The following INTS2 variants were observed in gnomAD, a reference collection of about 807,000 sequenced individuals.
The protein encoded by INTS2 is integrator complex subunit 2.
INTS2 carries 57 observed loss-of-function variants against 139.6 expected under a neutral mutation model. The ratio of observed to expected loss-of-function variants is 0.41; its 90% CI spans 0.33 to 0.51. INTS2 has a LOEUF of 0.51. Ranked by LOEUF, INTS2 falls within the 20% of genes least tolerant of loss-of-function variation. INTS2 has a pLI of 0.28. For missense variants in INTS2, 1,196 were observed against 1,436.7 expected (o/e 0.83, Z 2.71); for synonymous variants, 473 against 493.4 (o/e 0.96, Z 0.55).
chr17:61,913,689 G>GACCAAAAAAGCCAGTAAAATTTGTT, intron 5 of INTS2, among the ~76,000 whole-genome samples: 1 of 151,874 alleles, frequency 6.6e-6, no homozygotes, highest in East Asian at 1.9e-4. Context: ...TATTTTTCCA[G>GACCAAAAAAGCCAGTAAAATTTGTT]ACCAAAAAAG....
chr17:61,904,635 A>T (rs747668798), intron 8 of INTS2, 50 bp from the exon 9 acceptor site: 2 of 1,467,568 alleles, frequency 1.4e-6, no homozygotes, highest in Non-Finnish European at 1.8e-6. Flanking sequence ...GGGATGAAGA[A>T]GAAAAAGTGA....
intron 7 of INTS2, among the ~76,000 whole-genome samples, chr17:61,908,351 G>T (rs999900812): frequency 2.0e-5 from 3 of 152,040 alleles, no homozygotes; most frequent in African/African-American, 7.3e-5. Flanking sequence ...GGAGGCGGAG[G>T]TTACAATGAG....
chr17:61,865,835 AATTG>A lies in INTS2; in HGVS notation c.*1718_*1721del, dbSNP rs1413265711. On this transcript the variant is annotated 3_prime_UTR_variant, in exon 25 of 25. Coordinates refer to ENST00000251334, the MANE Select transcript of INTS2 (RefSeq NM_001351695.2). The surrounding 1 kb of genome is among the most constrained non-coding windows in gnomAD (Gnocchi z 4.8). ...TTTATTTTTCACATCAAAATTACTTAATTGAACATTAAGCATCTAATAAAAAGTT... is the reference window on the plus strand; with the variant it reads ...TTTATTTTTCACATCAAAATTACTTAAACATTAAGCATCTAATAAAAAGTT... 3 of 152,244 alleles carry A rather than the reference AATTG, an allele frequency of 2.0e-5. No individual in the cohort carries two copies. Among genetic ancestry groups the A allele is most frequent in the African/African-American group, 7.2e-5 (3 of 41,446 alleles). The allele number at this position is 152,244 out of a possible 1,614,324, so 9.4% of individuals were successfully genotyped here. A position where few individuals can be genotyped will look rare whatever the true frequency, so the allele number is the denominator to read the frequency against.
intron 9 of INTS2, among the ~76,000 whole-genome samples, chr17:61,903,348 G>A (rs1009076338): frequency 2.0e-5 from 3 of 150,958 alleles, no homozygotes; most frequent in Admixed American, 6.6e-5. Context: ...GAGCCACCAC[G>A]CCTGGGTAAT....
At position 61,893,597 on chromosome 17, in the gene INTS2, A is replaced by T. The variant is rs534573677; in HGVS notation, c.1698+168T>A. ...GTAGTCCCAGCTACCTGGGAGGTTG[A>T]GGCAGGAGAATCACTTTAACCCAGG... On this transcript the variant is annotated intron_variant, in intron 13 of 24. Coordinates refer to ENST00000251334, the MANE Select transcript of INTS2 (RefSeq NM_001351695.2). The surrounding 1 kb of genome is among the most constrained non-coding windows in gnomAD (Gnocchi z 5.4). Among the ~76,000 whole-genome samples the T allele has an allele frequency of 5.3e-4, 81 of 152,294 alleles. No homozygotes were observed. The highest frequency in any genetic ancestry group is 1.8e-3 in the African/African-American group (74 of 41,550).
At chr17:61,908,584 A>C (rs894443099) in intron 7 of INTS2, among the ~76,000 whole-genome samples, 2 of 152,210 alleles carry the variant, frequency 1.3e-5, no homozygotes, top group African/African-American at 4.8e-5. Flanking sequence ...GTATGAAAGC[A>C]GTTCTAAACT....
intron 14 of INTS2, among the ~76,000 whole-genome samples, chr17:61,890,387 G>T (rs932666006): frequency 6.6e-5 from 10 of 151,946 alleles, no homozygotes; most frequent in Non-Finnish European, 1.5e-5. Context: ...GAGGCAGGCA[G>T]ATCACCTGAG....
chr17:61,893,776 C>A lies in INTS2; in HGVS notation c.1687G>T (p.Val563Leu). The A allele has an allele frequency of 1.3e-6, 2 of 1,585,438 alleles. No individual in the cohort carries two copies. The highest frequency in any genetic ancestry group is 8.6e-7 in the Non-Finnish European group (1 of 1,164,254). Residue 563 changes from valine to leucine, a missense_variant, in exon 13 of 25, where the codon GTG becomes TTG. Physicochemically the swap from Val to Leu is conservative, Grantham distance 32. Transcript: ENST00000251334. The surrounding 1 kb of genome is among the most constrained non-coding windows in gnomAD (Gnocchi z 5.4). ...TTGTAGGGGCATACTTTTATTGACA[C>A]TTTGTGCTTGGTAAAGGAACGGCTC... The part of the protein sequence containing the change: ...LRSRSFTKHK[V>L]SIKDWIYRQL...
At chr17:61,887,506 A>G (rs1265506168) in intron 15 of INTS2, among the ~76,000 whole-genome samples, 1 of 150,936 alleles carries the variant, frequency 6.6e-6, no homozygotes. Flanking sequence ...AAAAAAGACT[A>G]TATGTGCACG....
chr17:61,908,080 T>C (rs767972107), intron 7 of INTS2, among the ~76,000 whole-genome samples: 2 of 152,192 alleles, frequency 1.3e-5, no homozygotes, highest in Non-Finnish European at 1.5e-5. Flanking sequence ...GGAAATATTT[T>C]ATCAACAATA....
chr17:61,899,908 T>A (rs1326109042), intron 9 of INTS2, among the ~76,000 whole-genome samples: 1 of 94,690 alleles, frequency 1.1e-5, no homozygotes, highest in African/African-American at 5.0e-5. Flanking sequence ...CAAGATCCTA[T>A]CTAAAAAAAA....
rs2079058208 is a variant in INTS2 at position 61,867,864 on chromosome 17, A to G, written c.3390T>C (p.Thr1130=). The G allele has an allele frequency of 6.2e-7, 1 of 1,603,018 alleles. No individual in the cohort carries two copies. Among genetic ancestry groups the G allele is most frequent in the Non-Finnish European group, 8.5e-7 (1 of 1,176,920 alleles). Residue 1130 remains threonine (T), a synonymous_variant, in exon 24 of 25, where the codon ACT becomes ACC. Coordinates refer to ENST00000251334, the MANE Select transcript of INTS2 (RefSeq NM_001351695.2). The surrounding 1 kb of genome is among the most constrained non-coding windows in gnomAD (Gnocchi z 5.6). ...IGQVCASDVA[T]QTRDIDPIIT... ...TAATTGGATCAATGTCTCTTGTCTG[A>G]GTGGCAACATCAGAGGCACAAACTT... is the stretch of plus-strand genomic sequence containing the variant.
chr17:61,896,457 A>G (rs1603377874), intron 11 of INTS2, among the ~76,000 whole-genome samples: 2 of 152,164 alleles, frequency 1.3e-5, no homozygotes, highest in South Asian at 2.1e-4. Context: ...TACCACTTTC[A>G]TATTACATGT....
At chr17:61,889,704 T>C (rs1008114876) in intron 15 of INTS2, 82 bp downstream of exon 15, 1 of 674,810 alleles carries the variant, frequency 1.5e-6, no homozygotes, top group Admixed American at 2.9e-5. Flanking sequence ...ATTGCCCTTA[T>C]CAAAGAACAG....
intron 5 of INTS2, among the ~76,000 whole-genome samples, chr17:61,918,148 G>A (rs559500167): frequency 2.2e-4 from 34 of 152,324 alleles, no homozygotes; most frequent in African/African-American, 7.9e-4. Flanking sequence ...TTTACAAAGA[G>A]TTTTTACATA....
chr17:61,881,457 C>T (rs112516380), intron 16 of INTS2, among the ~76,000 whole-genome samples: 54 of 152,208 alleles, frequency 3.5e-4, no homozygotes, highest in Non-Finnish European at 1.5e-5. Context: ...ATTAGCCGGG[C>T]GTGTTGTTGG....
chr17:61,900,683 CGTG>C (rs1257166751), intron 9 of INTS2, among the ~76,000 whole-genome samples: 9 of 152,130 alleles, frequency 5.9e-5, no homozygotes, highest in Non-Finnish European at 1.2e-4. Context: ...ATCGGCCAGA[CGTG>C]GTGGCTCACA....
Position 61,889,898 on chromosome 17 carries a change from G to A in INTS2, c.1876-4C>T, listed in dbSNP as rs757338481. ...GATTAAGGCGGATGTTGTCACCCTG[G>A]AGGTAATATTACAAATACTCTGAAA... On this transcript the variant is annotated splice_region_variant and splice_polypyrimidine_tract_variant and intron_variant, in intron 14 of 24. Transcript: ENST00000251334. 7.0e-6 allele frequency: 11 copies of A among 1,576,890 alleles called. No individual in the cohort carries two copies. In the South Asian group the frequency reaches 1.2e-4, roughly 18 times the overall value.
chr17:61,913,931 G>A (rs931996403), intron 5 of INTS2, among the ~76,000 whole-genome samples: 4 of 151,954 alleles, frequency 2.6e-5, no homozygotes, highest in Admixed American at 2.0e-4. Flanking sequence ...TATAATTCAT[G>A]TAAAAGTAAA....
Sources: gnomAD v4.1 joint callset for allele counts (sites outside exome capture counted in the v4.1 genomes callset) on GRCh38, gnomAD v4.1.1 for gene constraint, Gnocchi (gnomAD v3.1) non-coding constraint, MANE v1.5 for transcripts, NCBI Gene and HGNC (gene_info 2026-07-23, HGNC 2026-07-21) for gene names.